The following BARX2 variants were observed in gnomAD, a reference collection of about 807,000 sequenced individuals.
The protein encoded by BARX2 is homeobox protein BarH-like 2.
Under a neutral mutation model 25.5 loss-of-function variants are expected in BARX2, and 11 were observed. That is an observed-to-expected ratio of 0.43 (90% CI 0.27 to 0.71). The LOEUF is 0.71. BARX2 is among the 30% of genes least tolerant of loss of function. BARX2 has a pLI of 0.19. For synonymous variants in BARX2, 137 were observed against 149.5 expected, an observed-to-expected ratio of 0.92 and a Z score of 0.61; for missense variants, 360 against 359.9, an observed-to-expected ratio of 1.00 and a Z score of 0.00.
At chr11:129,375,502 C>A (rs1034493316), upstream of BARX2, among the ~76,000 whole-genome samples, 2 of 152,138 alleles carry the variant, frequency 1.3e-5, no homozygotes, top group Non-Finnish European at 2.9e-5. The surrounding 1 kb of genome is among the most constrained non-coding windows in gnomAD (Gnocchi z 4.0). Context: ...GGGGAGCTAC[C>A]GGCCTGGGCC....
chr11:129,386,583 A>G (rs975751307), intron 1 of BARX2, among the ~76,000 whole-genome samples: 1 of 152,218 alleles, frequency 6.6e-6, no homozygotes, highest in African/African-American at 2.4e-5. Context: ...GATGTCTGTT[A>G]CCAGCAATCA....
intron 1 of BARX2, among the ~76,000 whole-genome samples, chr11:129,411,243 T>A (rs1861883267): frequency 6.6e-6 from 1 of 151,926 alleles, no homozygotes; most frequent in Non-Finnish European, 1.5e-5. Context: ...TGGTGGCAGA[T>A]GCCTGTAGTC....
chr11:129,425,335 A>T (rs1862050485), intron 1 of BARX2, among the ~76,000 whole-genome samples: 1 of 152,242 alleles, frequency 6.6e-6, no homozygotes, highest in Admixed American at 6.5e-5. Context: ...GTGTGGGTGC[A>T]TGAAGGTAGG....
chr11:129,443,754 C>T (rs1275224809), intron 3 of BARX2, among the ~76,000 whole-genome samples: 1 of 152,130 alleles, frequency 6.6e-6, no homozygotes, highest in African/African-American at 2.4e-5. Context: ...AAAAAGGGCA[C>T]TATTAAATCA....
intron 1 of BARX2, among the ~76,000 whole-genome samples, chr11:129,417,119 T>C (rs549572091): frequency 5.3e-5 from 8 of 152,194 alleles, no homozygotes; most frequent in African/African-American, 1.9e-4. Flanking sequence ...GCCAGGATGG[T>C]CTCGAACTCC....
At position 129,451,550 on chromosome 11, in the gene BARX2, GC is replaced by G; in HGVS notation, c.*150del. On this transcript the variant is annotated 3_prime_UTR_variant, in exon 4 of 4. Transcript: ENST00000281437. ...TCCCTCCCTCCCACAGTTACCATTG[GC>G]CTTGTCATCGCAAGCATTTGACAAA... 1 of 927,732 alleles carries G rather than the reference GC, an allele frequency of 1.1e-6. No individual in the cohort carries two copies. Among genetic ancestry groups the G allele is most frequent in the Non-Finnish European group, 1.6e-6 (1 of 630,364 alleles). 57.5% of individuals were successfully genotyped at this position (927,732 alleles called of 1,614,324 possible).
intron 1 of BARX2, among the ~76,000 whole-genome samples, chr11:129,409,699 T>C (rs1861867491): frequency 6.6e-6 from 1 of 152,228 alleles, no homozygotes; most frequent in Non-Finnish European, 1.5e-5. Flanking sequence ...GTTTGATTTT[T>C]TCCCCTCTTT....
At chr11:129,411,371 CAAAAA>C (rs34667411) in intron 1 of BARX2, among the ~76,000 whole-genome samples, 1 of 53,856 alleles carries the variant, frequency 1.9e-5, no homozygotes, top group Admixed American at 2.0e-4. Context: ...ACTCCATCTC[CAAAAA>C]AAAAAAAAAA....
intron 1 of BARX2, among the ~76,000 whole-genome samples, chr11:129,389,282 T>C (rs1861644591): frequency 6.6e-6 from 1 of 152,152 alleles, no homozygotes; most frequent in African/African-American, 2.4e-5. Context: ...AAGATTACCA[T>C]TATTGGTGAA....
At chr11:129,445,158 C>T (rs1385903470) in intron 3 of BARX2, among the ~76,000 whole-genome samples, 3 of 152,208 alleles carry the variant, frequency 2.0e-5, no homozygotes, top group Admixed American at 6.5e-5. Context: ...AAGAACTAGA[C>T]TTGAGAGTGA....
At chr11:129,443,974 C>A (rs1395679887) in intron 3 of BARX2, among the ~76,000 whole-genome samples, 1 of 152,166 alleles carries the variant, frequency 6.6e-6, no homozygotes, top group Non-Finnish European at 1.5e-5. Flanking sequence ...TCGTCCATGC[C>A]ATGCCTTCAT....
At chr11:129,423,226 C>T (rs1432210553) in intron 1 of BARX2, among the ~76,000 whole-genome samples, 3 of 151,348 alleles carry the variant, frequency 2.0e-5, no homozygotes, top group Non-Finnish European at 2.9e-5. Context: ...AAGCAGTTCT[C>T]CTGCCTCAGG....
intron 2 of BARX2, among the ~76,000 whole-genome samples, chr11:129,441,097 T>A (rs1862252152): frequency 6.6e-6 from 1 of 152,208 alleles, no homozygotes. Flanking sequence ...TCAATGGTTG[T>A]TGTCTCAAGG....
At chr11:129,399,992 A>G (rs1314107141) in intron 1 of BARX2, among the ~76,000 whole-genome samples, 7 of 151,852 alleles carry the variant, frequency 4.6e-5, no homozygotes, top group South Asian at 2.1e-4. Flanking sequence ...CTCGAGTCCA[A>G]CCTCCTACCT....
chr11:129,439,385 C>T (rs1862230810), intron 2 of BARX2, among the ~76,000 whole-genome samples: 1 of 152,090 alleles, frequency 6.6e-6, no homozygotes, highest in Admixed American at 6.5e-5. Flanking sequence ...CCCATCAACC[C>T]ATCATCTACA....
chr11:129,430,616 C>T (rs1862118328), intron 1 of BARX2, among the ~76,000 whole-genome samples: 1 of 152,042 alleles, frequency 6.6e-6, no homozygotes, highest in Non-Finnish European at 1.5e-5. Context: ...TAACCACCAC[C>T]GTGGTTAAGA....
intron 3 of BARX2, among the ~76,000 whole-genome samples, chr11:129,447,483 G>A (rs1862344952): frequency 6.6e-6 from 1 of 152,196 alleles, no homozygotes; most frequent in South Asian, 2.1e-4. Context: ...CTAGGAGGAA[G>A]GCCACAGGGT....
chr11:129,384,794 G>C (rs1043569445), intron 1 of BARX2, among the ~76,000 whole-genome samples: 7 of 152,112 alleles, frequency 4.6e-5, no homozygotes, highest in African/African-American at 1.7e-4. Context: ...CATAGACAGG[G>C]CAATAATAGT....
At chr11:129,446,730 C>T (rs533522313) in intron 3 of BARX2, among the ~76,000 whole-genome samples, 230 of 152,246 alleles carry the variant, frequency 1.5e-3, no homozygotes, top group Non-Finnish European at 2.6e-3. Context: ...TCCAAGTCAG[C>T]GCCTTGGCAT....
Sources: allele counts gnomAD v4.1 joint callset (sites outside exome capture counted in the v4.1 genomes callset), GRCh38; gene constraint gnomAD v4.1.1; non-coding constraint Gnocchi (gnomAD v3.1); transcripts MANE v1.5; gene names NCBI Gene and HGNC (gene_info 2026-07-23, HGNC 2026-07-21).